Variants in BNC1 observed in about 807,000 individuals in gnomAD.
The protein encoded by BNC1 is basonuclin zinc finger protein 1, also known as zinc finger protein basonuclin-1.
A neutral mutation model predicts 66.5 loss-of-function variants in BNC1; 8 were observed. The ratio of observed to expected loss-of-function variants is 0.12; its 90% CI spans 0.07 to 0.22. The LOEUF (loss-of-function observed/expected upper bound fraction) is 0.22. Among genes scored for constraint, BNC1 ranks in the 10% least tolerant of loss-of-function variants. The probability of loss-of-function intolerance (pLI) is 1.00; values close to 1 mark genes in which losing one functional copy is unlikely to be tolerated. For missense variants in BNC1, 1,069 were observed against 1,241.3 expected (o/e 0.86, Z 2.09); for synonymous variants, 454 against 452.6 (o/e 1.00, Z -0.04).
intron 1 of BNC1, among the ~76,000 whole-genome samples, chr15:83,272,394 CTT>C (rs750429207): frequency 3.3e-5 from 4 of 122,686 alleles, no homozygotes; most frequent in Non-Finnish European, 3.3e-5. Context: ...CCACACCTGG[CTT>C]TTTTTTTTTT....
rs2151433363 is a variant in BNC1, at chr15:83,257,233, G to A, written c.*209C>T. On this transcript the variant is annotated 3_prime_UTR_variant, in exon 5 of 5. Coordinates refer to ENST00000345382, the MANE Select transcript of BNC1 (RefSeq NM_001717.4). ...CTTGTATCAGTGAAAGACCTCTTGG[G>A]CTAAGAAAAATAATAGGAAGGGCTG... 1.8e-5 allele frequency: 11 copies of A among 613,032 alleles called. No individual in the cohort carries two copies. Among genetic ancestry groups the A allele is most frequent in the Non-Finnish European group, 3.1e-5 (11 of 357,968 alleles). 38.0% of individuals were successfully genotyped at this position (613,032 alleles called of 1,614,324 possible). A position where few individuals can be genotyped will look rare whatever the true frequency, so the allele number is the denominator to read the frequency against.
In BNC1 at chr15:83,256,903, G is replaced by C. The variant is rs1478336587; in HGVS notation, c.*539C>G. On this transcript the variant is annotated 3_prime_UTR_variant, in exon 5 of 5. Transcript: ENST00000345382. ...GGTAACATATGAGACCTCTGGTGCA[G>C]GGCTGAGGGGAGGGACAATTATCCA... The C allele has an allele frequency of 1.9e-5, 3 of 155,050 alleles. No individual in the cohort carries two copies. Among genetic ancestry groups the C allele is most frequent in the African/African-American group, 7.2e-5 (3 of 41,448 alleles). The allele number at this position is 155,050 out of a possible 1,614,324, so 9.6% of individuals were successfully genotyped here.
chr15:83,283,374 G>C, intron 1 of BNC1: 7 of 1,378,038 alleles, frequency 5.1e-6, no homozygotes, highest in Middle Eastern at 2.7e-4. Context: ...GAGGAGCAGC[G>C]GGAGACCCCG....
At chr15:83,283,758 A>T (rs972080974) in intron 1 of BNC1, among the ~76,000 whole-genome samples, 15 of 152,188 alleles carry the variant, frequency 9.9e-5, no homozygotes, top group Non-Finnish European at 1.5e-4. Flanking sequence ...CGGAGCCGCG[A>T]CAAGGACTCC....
intron 1 of BNC1, among the ~76,000 whole-genome samples, chr15:83,269,495 C>T (rs2038249530): frequency 6.6e-6 from 1 of 151,982 alleles, no homozygotes; most frequent in Non-Finnish European, 1.5e-5. Flanking sequence ...AAGGTTTAAA[C>T]CTCTAATCTG....
intron 1 of BNC1, among the ~76,000 whole-genome samples, chr15:83,282,721 GA>G (rs894704740): frequency 2.0e-5 from 3 of 151,984 alleles, no homozygotes; most frequent in African/African-American, 7.2e-5. Context: ...AACAGCGAAT[GA>G]AAAAAAATCT....
rs954993852 is a variant in BNC1, at chr15:83,256,878, G to A, written c.*564C>T. On this transcript the variant is annotated 3_prime_UTR_variant, in exon 5 of 5. Transcript: ENST00000345382. ...ACCCAATCCTCTGAGAACTCCCTGGGGTAACATATGAGACCTCTGGTGCAG... is the reference window on the plus strand; with the variant it reads ...ACCCAATCCTCTGAGAACTCCCTGGAGTAACATATGAGACCTCTGGTGCAG... 6.5e-6 allele frequency: 1 copy of A among 152,862 alleles called. No homozygotes were observed. Among genetic ancestry groups the A allele is most frequent in the African/African-American group, 2.4e-5 (1 of 41,430 alleles). 9.5% of individuals were successfully genotyped at this position (152,862 alleles called of 1,614,324 possible).
At chr15:83,280,626 G>T (rs1407202088) in intron 1 of BNC1, among the ~76,000 whole-genome samples, 1 of 152,152 alleles carries the variant, frequency 6.6e-6, no homozygotes, top group East Asian at 1.9e-4. Flanking sequence ...GAAGTATCAT[G>T]AAATGCTAAG....
At chr15:83,260,774 T>A (rs1405920041) in intron 4 of BNC1, among the ~76,000 whole-genome samples, 1 of 152,240 alleles carries the variant, frequency 6.6e-6, no homozygotes, top group East Asian at 1.9e-4. Flanking sequence ...GCAGTAGCAG[T>A]GGCTCAAAGA....
intron 3 of BNC1, among the ~76,000 whole-genome samples, chr15:83,265,535 T>G (rs2038208512): frequency 6.6e-6 from 1 of 152,234 alleles, no homozygotes; most frequent in South Asian, 2.1e-4. Context: ...TCAAGGTAAT[T>G]GATTCCATAT....
chr15:83,284,102 A>C (rs1041337746), intron 1 of BNC1, among the ~76,000 whole-genome samples: 1 of 143,938 alleles, frequency 6.9e-6, no homozygotes, highest in African/African-American at 2.5e-5. Flanking sequence ...GAGGTAAAAG[A>C]AAAAAAAAAA....
rs556260411 is a variant in BNC1 at position 83,256,326 on chromosome 15, G to A, written c.*1116C>T. 2.0e-5 allele frequency: 3 copies of A among 152,734 alleles called. No homozygotes were observed. Among genetic ancestry groups the A allele is most frequent in the Non-Finnish European group, 2.9e-5 (2 of 68,028 alleles). The allele number at this position is 152,734 out of a possible 1,614,324, so 9.5% of individuals were successfully genotyped here. On this transcript the variant is annotated 3_prime_UTR_variant, in exon 5 of 5. Transcript: ENST00000345382. ...GAACTTCCTTTCTACCATGGAAAAT[G>A]TATGTAACAGTGTGGAATATATTTC...
At chr15:83,268,353 G>C in intron 1 of BNC1, 121 bp from the exon 2 acceptor site, 6 of 856,604 alleles carry the variant, frequency 7.0e-6, no homozygotes, top group South Asian at 3.2e-5. Context: ...TGTGCCCACT[G>C]TGTGCCAGGC....
chr15:83,271,375 G>A (rs2038268014), intron 1 of BNC1, among the ~76,000 whole-genome samples: 1 of 152,210 alleles, frequency 6.6e-6, no homozygotes, highest in Non-Finnish European at 1.5e-5. Flanking sequence ...GCATTTTCAG[G>A]TGATGCGGAA....
chr15:83,271,042 G>A (rs1036978240), intron 1 of BNC1, among the ~76,000 whole-genome samples: 6 of 152,122 alleles, frequency 3.9e-5, no homozygotes, highest in African/African-American at 7.2e-5. Flanking sequence ...CTGGGAGGCC[G>A]AGGTGGGCAG....
At position 83,257,798 on chromosome 15, in the gene BNC1, C is replaced by CAA; in HGVS notation, c.2628_2629insTT (p.Asp877LeufsTer4). On this transcript the variant is annotated frameshift_variant, in exon 5 of 5. Coordinates refer to ENST00000345382, the MANE Select transcript of BNC1 (RefSeq NM_001717.4). LOFTEE classifies it high-confidence loss of function. Reference sequence around the variant, plus strand: ...ACAGTGCCTTCCTCACTCACCCCGTCAGAGTCCCAGGAAGAATGGCTGCTA... The same window carrying CAA: ...ACAGTGCCTTCCTCACTCACCCCGTCAAAGAGTCCCAGGAAGAATGGCTGCTA... 1 of 1,614,176 alleles carries CAA rather than the reference C, an allele frequency of 6.2e-7. No homozygotes were observed. Among genetic ancestry groups the CAA allele is most frequent in the Non-Finnish European group, 8.5e-7 (1 of 1,180,020 alleles).
intron 1 of BNC1, chr15:83,283,422 TCGC>T: frequency 1.1e-5 from 12 of 1,124,718 alleles, no homozygotes; most frequent in Admixed American, 5.3e-5. Context: ...GCCCCCAGCC[TCGC>T]CGCCGCCGCC....
intron 1 of BNC1, among the ~76,000 whole-genome samples, chr15:83,273,850 A>G (rs1232837907): frequency 6.6e-6 from 1 of 152,198 alleles, no homozygotes; most frequent in African/African-American, 2.4e-5. Flanking sequence ...AGTTGGGTAT[A>G]TACATAGATA....
intron 1 of BNC1, among the ~76,000 whole-genome samples, chr15:83,281,205 G>A (rs1361021988): frequency 1.3e-5 from 2 of 152,278 alleles, no homozygotes; most frequent in East Asian, 3.9e-4. Flanking sequence ...TTAGGAAAAG[G>A]ACTTCAAAGA....
Sources: allele counts gnomAD v4.1 joint callset (sites outside exome capture counted in the v4.1 genomes callset), GRCh38; gene constraint gnomAD v4.1.1; transcripts MANE v1.5; gene names NCBI Gene and HGNC (gene_info 2026-07-23, HGNC 2026-07-21).